The following METAP1 variants were observed in gnomAD, a reference collection of about 807,000 sequenced individuals.
METAP1 encodes methionyl aminopeptidase 1.
A neutral mutation model predicts 53.8 loss-of-function variants in METAP1; 28 were observed. The ratio of observed to expected loss-of-function variants is 0.52; its 90% CI spans 0.39 to 0.71. The LOEUF (loss-of-function observed/expected upper bound fraction) is 0.71. Among genes scored for constraint, METAP1 ranks in the 30% least tolerant of loss-of-function variants. The pLI is 0.00. For synonymous variants in METAP1, 181 were observed against 165.7 expected (o/e 1.09, Z -0.71); for missense variants, 389 against 479.8 (o/e 0.81, Z 1.77).
Position 99,039,431 on chromosome 4 carries a change from C to T in METAP1, c.398C>T (p.Ser133Phe). The T allele has an allele frequency of 6.2e-7, 1 of 1,610,494 alleles. No homozygotes were observed. The highest frequency in any genetic ancestry group is 8.5e-7 in the Non-Finnish European group (1 of 1,177,126). ...ACTTCTCAGATTAAATTACTCTCAT[C>T]TGAAGATATAGAAGGGATGCGACTT... ...KGTSQIKLLS[S>F]EDIEGMRLVC... Residue 133 changes from serine to phenylalanine, a missense_variant, in exon 5 of 11, where the codon TCT becomes TTT. By Grantham distance (155) the Ser-to-Phe change is radical (BLOSUM62 -2). Coordinates refer to ENST00000296411, the MANE Select transcript of METAP1 (RefSeq NM_015143.3).
intron 2 of METAP1, among the ~76,000 whole-genome samples, chr4:99,034,024 A>G (rs1188450890): frequency 2.6e-5 from 4 of 152,196 alleles, no homozygotes; most frequent in African/African-American, 7.2e-5. Flanking sequence ...AAAAGGAGTT[A>G]TAAGGGTTTT....
At chr4:99,041,360 C>G (rs1192408620) in intron 6 of METAP1, among the ~76,000 whole-genome samples, 2 of 151,906 alleles carry the variant, frequency 1.3e-5, no homozygotes, top group African/African-American at 4.8e-5. Flanking sequence ...GTTTCTGAAA[C>G]AACATATTTG....
intron 1 of METAP1, among the ~76,000 whole-genome samples, chr4:99,022,006 G>A (rs1724144405): frequency 1.3e-5 from 2 of 152,186 alleles, no homozygotes; most frequent in African/African-American, 4.8e-5. Context: ...TGCCTTACAA[G>A]GCCCTTCCTG....
intron 9 of METAP1, 111 bp downstream of exon 9, chr4:99,048,987 G>A: frequency 8.0e-7 from 1 of 1,251,624 alleles, no homozygotes; most frequent in Non-Finnish European, 1.1e-6. Flanking sequence ...TCTCTTAGCT[G>A]TAATAGATAG....
Position 98,995,783 on chromosome 4 carries a change from GAC to G in METAP1, c.32_33del (p.Thr11ArgfsTer6). On this transcript the variant is annotated frameshift_variant, in exon 1 of 11. Coordinates refer to ENST00000296411, the MANE Select transcript of METAP1 (RefSeq NM_015143.3). LOFTEE classifies it high-confidence loss of function. The part of the protein sequence containing the change: MAAVETRVCE[T>X]DGCSSEAKLQ... The stretch of plus-strand genomic sequence containing the variant: ...CGGCCGTGGAGACGCGGGTGTGCGA[GAC>G]AGACGGCTGCAGCAGTGAGGCCAAG... 6.5e-7 allele frequency: 1 copy of G among 1,546,630 alleles called. No homozygotes were observed. Among genetic ancestry groups the G allele is most frequent in the Non-Finnish European group, 8.7e-7 (1 of 1,144,780 alleles).
rs1050906937 is a variant in METAP1 at position 99,062,144 on chromosome 4, T to C, written c.*827T>C. On this transcript the variant is annotated 3_prime_UTR_variant, in exon 11 of 11. Coordinates refer to ENST00000296411, the MANE Select transcript of METAP1 (RefSeq NM_015143.3). Reference sequence around the variant, plus strand: ...GAAATGGAAAAGAAAAAGCCCCCTTTCTTCCCTTTTCTGTTTTACTTCAAG... The same window carrying C: ...GAAATGGAAAAGAAAAAGCCCCCTTCCTTCCCTTTTCTGTTTTACTTCAAG... 1.3e-5 allele frequency: 2 copies of C among 152,220 alleles called. No homozygotes were observed. Among genetic ancestry groups the C allele is most frequent in the African/African-American group, 4.8e-5 (2 of 41,438 alleles). The allele number at this position is 152,220 out of a possible 1,614,324, so 9.4% of individuals were successfully genotyped here.
intron 1 of METAP1, among the ~76,000 whole-genome samples, chr4:99,006,871 T>G (rs1453999721): frequency 2.6e-5 from 4 of 152,180 alleles, no homozygotes; most frequent in Non-Finnish European, 5.9e-5. Flanking sequence ...TGATTAACTG[T>G]TTCCTCAAAG....
intron 5 of METAP1, among the ~76,000 whole-genome samples, 183 bp from the exon 6 acceptor site, chr4:99,040,860 T>G (rs1227058778): frequency 1.3e-5 from 2 of 151,366 alleles, no homozygotes; most frequent in Non-Finnish European, 2.9e-5. Context: ...TTAACCCAAT[T>G]TTTATATAAA....
intron 1 of METAP1, among the ~76,000 whole-genome samples, chr4:99,001,093 C>T (rs1722903172): frequency 6.6e-6 from 1 of 152,190 alleles, no homozygotes; most frequent in Non-Finnish European, 1.5e-5. Context: ...TGCAACCCTG[C>T]CCTCTGAAAC....
chr4:99,034,110 G>A (rs1725259493), intron 2 of METAP1, 120 bp from the exon 3 acceptor site: 1 of 639,100 alleles, frequency 1.6e-6, no homozygotes, highest in Non-Finnish European at 2.7e-6. Context: ...GCCTGGACTT[G>A]TTGGCTTGGT....
At chr4:99,023,921 T>A in intron 1 of METAP1, 8 of 407,622 alleles carry the variant, frequency 2.0e-5, no homozygotes, top group Non-Finnish European at 2.7e-5. Context: ...GGGAGTTTTA[T>A]TACTCAAATC....
At chr4:99,003,642 A>C (rs774681617) in intron 1 of METAP1, among the ~76,000 whole-genome samples, 3 of 152,194 alleles carry the variant, frequency 2.0e-5, no homozygotes, top group Non-Finnish European at 4.4e-5. Context: ...CTGTCGATGT[A>C]TGTTTTCTAA....
At chr4:99,004,131 A>G (rs1723051324) in intron 1 of METAP1, among the ~76,000 whole-genome samples, 1 of 152,172 alleles carries the variant, frequency 6.6e-6, no homozygotes, top group Non-Finnish European at 1.5e-5. Context: ...AGGGCAAGGT[A>G]TTGGGGAAGG....
chr4:99,014,346 A>T (rs1243446481), intron 1 of METAP1, among the ~76,000 whole-genome samples: 1 of 152,220 alleles, frequency 6.6e-6, no homozygotes, highest in Non-Finnish European at 1.5e-5. Context: ...TTACGCAAAC[A>T]CCACCTTTCT....
intron 2 of METAP1, among the ~76,000 whole-genome samples, chr4:99,031,139 AAAG>A (rs1363383143): frequency 7.3e-6 from 1 of 137,242 alleles, no homozygotes; most frequent in Non-Finnish European, 1.5e-5. Context: ...GTCATATAGT[AAAG>A]AAGACCATTC....
intron 8 of METAP1, among the ~76,000 whole-genome samples, chr4:99,046,788 CATTA>C (rs928893944): frequency 1.9e-4 from 29 of 151,894 alleles, no homozygotes; most frequent in Non-Finnish European, 2.6e-4. Context: ...TATTTTAAAA[CATTA>C]ATACAGGAGG....
intron 4 of METAP1, among the ~76,000 whole-genome samples, chr4:99,036,454 A>T (rs1725429730): frequency 6.6e-6 from 1 of 152,116 alleles, no homozygotes; most frequent in African/African-American, 2.4e-5. Context: ...ATTCTAACAA[A>T]TGTTATGCAG....
chr4:99,052,178 C>G (rs1270735292), intron 9 of METAP1, among the ~76,000 whole-genome samples: 1 of 152,172 alleles, frequency 6.6e-6, no homozygotes, highest in East Asian at 1.9e-4. Context: ...TTTAAAAATA[C>G]TCTATTGCTA....
chr4:99,033,024 C>T (rs946431489), intron 2 of METAP1, among the ~76,000 whole-genome samples: 1 of 151,912 alleles, frequency 6.6e-6, no homozygotes, highest in Non-Finnish European at 1.5e-5. Context: ...TCAGTTGTAC[C>T]TTAAGGGCCT....
Sources: allele counts gnomAD v4.1 joint callset (sites outside exome capture counted in the v4.1 genomes callset), GRCh38; gene constraint gnomAD v4.1.1; transcripts MANE v1.5; gene names NCBI Gene and HGNC (gene_info 2026-07-23, HGNC 2026-07-21).